Variants in NADK2 observed in about 807,000 individuals in gnomAD.
NADK2 encodes the protein NAD kinase domain-containing protein 1, mitochondrial.
A neutral mutation model predicts 62.1 loss-of-function variants in NADK2; 35 were observed. The observed-to-expected ratio is 0.56, with a 90% confidence interval of 0.43 to 0.75. NADK2 has a LOEUF of 0.75. Ranked by LOEUF, NADK2 falls within the 30% of genes least tolerant of loss-of-function variation. The pLI, the probability that NADK2 is intolerant of heterozygous loss-of-function variation, is 0.00. For missense variants in NADK2, 439 were observed against 561.3 expected, an observed-to-expected ratio of 0.78 and a Z score of 2.20; for synonymous variants, 205 against 207.9, an observed-to-expected ratio of 0.99 and a Z score of 0.12.
intron 2 of NADK2, among the ~76,000 whole-genome samples, 186 bp downstream of exon 2, chr5:36,227,291 A>C (rs1316518797): frequency 6.6e-6 from 1 of 152,228 alleles, no homozygotes; most frequent in Non-Finnish European, 1.5e-5. Flanking sequence ...TGACATTTTC[A>C]GAGAACAATA....
In NADK2 at chr5:36,194,579, A is replaced by G. The variant is rs1746157854; in HGVS notation, c.*565T>C. The G allele has an allele frequency of 6.6e-6, 1 of 152,170 alleles. No homozygotes were observed. The allele number at this position is 152,170 out of a possible 1,614,324, so 9.4% of individuals were successfully genotyped here. A position where few individuals can be genotyped will look rare whatever the true frequency, so the allele number is the denominator to read the frequency against. On this transcript the variant is annotated 3_prime_UTR_variant, in exon 12 of 12. Coordinates refer to ENST00000381937, the MANE Select transcript of NADK2 (RefSeq NM_001085411.3). ...AAAAATTATTATTTGAAATTTTTAAATCAATAGTCATAACATCATCGTGTT... is the reference window on the plus strand; with the variant it reads ...AAAAATTATTATTTGAAATTTTTAAGTCAATAGTCATAACATCATCGTGTT...
chr5:36,225,701 G>T (rs113078878), intron 3 of NADK2, 78 bp from the exon 4 acceptor site: 49 of 1,374,944 alleles, frequency 3.6e-5, no homozygotes, highest in Non-Finnish European at 5.0e-5. Context: ...TTGAAAATCA[G>T]TAGTTTTAAC....
intron 11 of NADK2, among the ~76,000 whole-genome samples, chr5:36,196,123 G>A (rs528398890): frequency 2.5e-4 from 38 of 152,104 alleles, no homozygotes; most frequent in African/African-American, 8.0e-4. Context: ...ATGTCTTTGC[G>A]CACATATTTC....
rs1419852790 is a variant in NADK2 at position 36,241,155 on chromosome 5, G to C, written c.300+344C>G. On this transcript the variant is annotated intron_variant, in intron 1 of 11. Transcript: ENST00000381937. This position sits in a 1 kb window ranked among gnomAD's most constrained non-coding sequence, Gnocchi z 4.9. ...AGTGGGTCCCAACCAGGGAACGAGGGCGGGGGCGGCGAGGGCACCAACGAA... is the reference window on the plus strand; with the variant it reads ...AGTGGGTCCCAACCAGGGAACGAGGCCGGGGGCGGCGAGGGCACCAACGAA... 1.3e-5 allele frequency among the ~76,000 whole-genome samples: 2 copies of C among 152,188 alleles called. No individual in the cohort carries two copies. The highest frequency in any genetic ancestry group is 2.9e-5 in the Non-Finnish European group (2 of 68,030).
At chr5:36,228,723 G>A (rs570811463) in intron 1 of NADK2, among the ~76,000 whole-genome samples, 36 of 150,540 alleles carry the variant, frequency 2.4e-4, no homozygotes, top group African/African-American at 7.6e-4. Flanking sequence ...GACTCAAGCC[G>A]CCCTCCCACC....
chr5:36,211,709 A>C (rs1746852267), intron 7 of NADK2, 135 bp downstream of exon 7: 1 of 710,356 alleles, frequency 1.4e-6, no homozygotes, highest in Non-Finnish European at 2.4e-6. Flanking sequence ...TTTTGGAAAT[A>C]TTTCATTAAA....
At chr5:36,240,828 T>A (rs1748081303) in intron 1 of NADK2, among the ~76,000 whole-genome samples, 1 of 152,192 alleles carries the variant, frequency 6.6e-6, no homozygotes, top group Admixed American at 6.5e-5. Flanking sequence ...TTCTCCTTAA[T>A]AACGTACATA....
intron 2 of NADK2, 94 bp from the exon 3 acceptor site, chr5:36,226,657 T>C: frequency 1.3e-6 from 1 of 788,350 alleles, no homozygotes; most frequent in Non-Finnish European, 2.0e-6. Flanking sequence ...ACAATAGAGA[T>C]GTAAAATAAA....
intron 1 of NADK2, among the ~76,000 whole-genome samples, chr5:36,237,425 C>G (rs1406328727): frequency 6.6e-6 from 1 of 152,094 alleles, no homozygotes. Flanking sequence ...TTTCACTGTG[C>G]TGATTTGTAG....
At position 36,241,319 on chromosome 5, in the gene NADK2, C is replaced by G. The variant is rs554791395; in HGVS notation, c.300+180G>C. On this transcript the variant is annotated intron_variant, in intron 1 of 11. Transcript: ENST00000381937. This position sits in a 1 kb window ranked among gnomAD's most constrained non-coding sequence, Gnocchi z 4.9. ...CGGCCCTGCCTCTCCCTCGCACACACGCCCAAAGGCAAAGGAGGCCCAGGG... is the reference window on the plus strand; with the variant it reads ...CGGCCCTGCCTCTCCCTCGCACACAGGCCCAAAGGCAAAGGAGGCCCAGGG... 8.2e-7 allele frequency: 1 copy of G among 1,225,814 alleles called. No individual in the cohort carries two copies. Among genetic ancestry groups the G allele is most frequent in the Non-Finnish European group, 1.1e-6 (1 of 947,818 alleles). 75.9% of individuals were successfully genotyped at this position (1,225,814 alleles called of 1,614,324 possible).
intron 6 of NADK2, among the ~76,000 whole-genome samples, chr5:36,215,474 T>C (rs1747008292): frequency 6.6e-6 from 1 of 152,210 alleles, no homozygotes; most frequent in South Asian, 2.1e-4. Flanking sequence ...TATTTTGAAA[T>C]GAGGTATTTT....
intron 1 of NADK2, among the ~76,000 whole-genome samples, chr5:36,235,904 TATA>T (rs1561077714): frequency 1.1e-4 from 1 of 9,388 alleles, no homozygotes; most frequent in East Asian, 4.1e-4. Context: ...TATATATATA[TATA>T]AAAAATAAAT....
chr5:36,197,479 A>C, intron 11 of NADK2, 62 bp downstream of exon 11: 1 of 1,600,016 alleles, frequency 6.2e-7, no homozygotes, highest in Non-Finnish European at 8.5e-7. Flanking sequence ...TTTTCAAACC[A>C]AGTGGGCTTT....
At chr5:36,197,488 T>A in intron 11 of NADK2, 53 bp downstream of exon 11, 1 of 1,607,340 alleles carries the variant, frequency 6.2e-7, no homozygotes, top group Non-Finnish European at 8.5e-7. Flanking sequence ...CAAGTGGGCT[T>A]TGTAACAATG....
At position 36,222,999 on chromosome 5, in the gene NADK2, A is replaced by G. The variant is rs187213452; in HGVS notation, c.560+2543T>C. Among the ~76,000 whole-genome samples the G allele has an allele frequency of 4.7e-4, 71 of 152,320 alleles. No individual in the cohort carries two copies. In the South Asian group the frequency reaches 5.0e-3, roughly 11 times the overall value. On this transcript the variant is annotated intron_variant, in intron 4 of 11. Transcript: ENST00000381937. ...TGGCTAGAATAGAATGAAGGGAAAA[A>G]TAATAGGCAATAAGGACAGAACTGG...
At chr5:36,210,947 T>C (rs1363572325) in intron 7 of NADK2, among the ~76,000 whole-genome samples, 2 of 152,122 alleles carry the variant, frequency 1.3e-5, no homozygotes, top group East Asian at 3.9e-4. Flanking sequence ...TGAATCCAGA[T>C]TTAAAGGCCA....
chr5:36,211,937 A>G lies in NADK2; in HGVS notation c.782-15T>C. On this transcript the variant is annotated splice_polypyrimidine_tract_variant and intron_variant, in intron 6 of 11. Transcript: ENST00000381937. ...AGCCTCAGACCCTGCATGTAATTTA[A>G]GACAAAGAAAATCCAAGATAGCTCC... 3 of 1,596,536 alleles carry G rather than the reference A, an allele frequency of 1.9e-6. No individual in the cohort carries two copies. The highest frequency in any genetic ancestry group is 2.6e-6 in the Non-Finnish European group (3 of 1,171,156).
At position 36,206,750 on chromosome 5, in the gene NADK2, C is replaced by T. The variant is rs76819557; in HGVS notation, c.956+420G>A. On this transcript the variant is annotated intron_variant, in intron 8 of 11. Transcript: ENST00000381937. Reference sequence around the variant, plus strand: ...TATGTGGAATGTACTAAGAAGTAGACGAGATTACCCAGAGGGAGATTATAG... The same window carrying T: ...TATGTGGAATGTACTAAGAAGTAGATGAGATTACCCAGAGGGAGATTATAG... Among the ~76,000 whole-genome samples, 1,871 of 151,918 alleles carry T rather than the reference C, an allele frequency of 0.012. 158 individuals carry two copies. The East Asian group carries it at 0.21, about 17-fold the overall frequency.
intron 8 of NADK2, among the ~76,000 whole-genome samples, chr5:36,202,140 T>A (rs1746473676): frequency 6.6e-6 from 1 of 152,062 alleles, no homozygotes; most frequent in Admixed American, 6.6e-5. Flanking sequence ...GTACCCTTCA[T>A]GTTTGGAGAA....
Sources: gnomAD v4.1 joint callset for allele counts (sites outside exome capture counted in the v4.1 genomes callset) on GRCh38, gnomAD v4.1.1 for gene constraint, Gnocchi (gnomAD v3.1) non-coding constraint, MANE v1.5 for transcripts, NCBI Gene and HGNC (gene_info 2026-07-23, HGNC 2026-07-21) for gene names.